The following ARL6 variants were observed in gnomAD, a reference collection of about 807,000 sequenced individuals.
The protein encoded by ARL6 is ADP-ribosylation factor-like protein 6.
A neutral mutation model predicts 27.1 loss-of-function variants in ARL6; 18 were observed. The observed-to-expected ratio is 0.66, with a 90% CI of 0.46 to 0.98. ARL6 has a LOEUF of 0.98. Among genes scored for constraint, ARL6 ranks in the 50% least tolerant of loss-of-function variants. ARL6 has a pLI of 0.00. For synonymous variants in ARL6, 65 were observed against 72.3 expected (o/e 0.90, Z 0.51); for missense variants, 187 against 214.9 (o/e 0.87, Z 0.81).
Position 97,800,722 on chromosome 3 carries a change from A to G in ARL6, c.*2673A>G, listed in dbSNP as rs976770021. ...TTTCAGGTTGCTATAACAAAGTACC[A>G]TAGACTGGGTGGCTTATAAACGACA... On this transcript the variant is annotated 3_prime_UTR_variant, in exon 8 of 8. Coordinates refer to ENST00000463745, the MANE Select transcript of ARL6 (RefSeq NM_001278293.3). 2 of 152,190 alleles carry G rather than the reference A, an allele frequency of 1.3e-5. No individual in the cohort carries two copies. The highest frequency in any genetic ancestry group is 4.8e-5 in the African/African-American group (2 of 41,446). The allele number at this position is 152,190 out of a possible 1,614,324, so 9.4% of individuals were successfully genotyped here. A position where few individuals can be genotyped will look rare whatever the true frequency, so the allele number is the denominator to read the frequency against.
At chr3:97,772,296 A>T (rs898990675) in intron 2 of ARL6, among the ~76,000 whole-genome samples, 2 of 152,032 alleles carry the variant, frequency 1.3e-5, no homozygotes, top group Admixed American at 6.6e-5. Flanking sequence ...TATGTTATCC[A>T]ATTTGTTGGC....
At chr3:97,783,248 TATATAAC>T (rs929880579) in intron 4 of ARL6, among the ~76,000 whole-genome samples, 1 of 151,748 alleles carries the variant, frequency 6.6e-6, no homozygotes, top group Non-Finnish European at 1.5e-5. Context: ...CCTTTTGAAA[TATATAAC>T]ATATACTTTA....
At chr3:97,766,219 A>T (rs1025564749) in intron 1 of ARL6, 1 of 152,244 alleles carries the variant, frequency 6.6e-6, no homozygotes, top group Non-Finnish European at 1.5e-5. Context: ...GAAATGGAGA[A>T]CAAGATATAA....
intron 2 of ARL6, among the ~76,000 whole-genome samples, chr3:97,771,029 T>C (rs1055676574): frequency 6.6e-6 from 1 of 152,118 alleles, no homozygotes; most frequent in Admixed American, 6.5e-5. Context: ...ATATAAATTT[T>C]AGGATTCTTT....
intron 2 of ARL6, 72 bp downstream of exon 2, chr3:97,768,302 A>G (rs535303360): frequency 2.6e-6 from 4 of 1,522,640 alleles, no homozygotes; most frequent in South Asian, 2.3e-5. Context: ...ATTATGTTAT[A>G]TGACGTTAAA....
intron 7 of ARL6, among the ~76,000 whole-genome samples, chr3:97,796,367 T>C (rs1435528381): frequency 6.6e-6 from 1 of 151,786 alleles, no homozygotes; most frequent in Non-Finnish European, 1.5e-5. Context: ...AATAAGAATA[T>C]AGTAGTTGAA....
intron 7 of ARL6, among the ~76,000 whole-genome samples, chr3:97,797,358 A>T (rs1349637688): frequency 6.6e-6 from 1 of 152,060 alleles, no homozygotes; most frequent in Non-Finnish European, 1.5e-5. Context: ...TAACTCTAGG[A>T]GGGATAAAAT....
chr3:97,774,321 G>A (rs1174573392), intron 2 of ARL6, among the ~76,000 whole-genome samples: 8 of 152,118 alleles, frequency 5.3e-5, no homozygotes, highest in Non-Finnish European at 1.0e-4. Flanking sequence ...GTTATTCCGG[G>A]ATTTTAGTTT....
At chr3:97,770,875 CTG>C (rs567727928) in intron 2 of ARL6, among the ~76,000 whole-genome samples, 1 of 151,706 alleles carries the variant, frequency 6.6e-6, no homozygotes. Flanking sequence ...TTCTGTTGGT[CTG>C]TGTGTGTGTG....
intron 2 of ARL6, among the ~76,000 whole-genome samples, chr3:97,775,586 C>T (rs111328653): frequency 0.039 from 5,869 of 152,222 alleles, 208 homozygotes; most frequent in African/African-American, 0.095. Flanking sequence ...AGCACCCTCA[C>T]AGACACACCC....
At chr3:97,778,125 C>A (rs910260352) in intron 2 of ARL6, among the ~76,000 whole-genome samples, 29 of 151,956 alleles carry the variant, frequency 1.9e-4, no homozygotes, top group African/African-American at 7.0e-4. Flanking sequence ...CAATGATTGG[C>A]ACATTTAAAG....
At chr3:97,770,826 A>T (rs532543635) in intron 2 of ARL6, among the ~76,000 whole-genome samples, 1 of 152,064 alleles carries the variant, frequency 6.6e-6, no homozygotes, top group East Asian at 1.9e-4. Flanking sequence ...AATGAGTTGG[A>T]TGTAAATACA....
At chr3:97,785,892 T>G (rs1669817922) in intron 5 of ARL6, among the ~76,000 whole-genome samples, 1 of 152,186 alleles carries the variant, frequency 6.6e-6, no homozygotes, top group Non-Finnish European at 1.5e-5. Context: ...GAACTGTGGA[T>G]TTGTTAGAAA....
At chr3:97,780,912 C>T (rs377393710) in intron 4 of ARL6, among the ~76,000 whole-genome samples, 3 of 152,182 alleles carry the variant, frequency 2.0e-5, no homozygotes, top group Middle Eastern at 3.4e-3. Context: ...TTTTAATGCC[C>T]CATTCTATCC....
chr3:97,780,700 A>G lies in ARL6; in HGVS notation c.254+17A>G. 6.3e-7 allele frequency: 1 copy of G among 1,581,638 alleles called. No individual in the cohort carries two copies. Among genetic ancestry groups the G allele is most frequent in the South Asian group, 1.1e-5 (1 of 90,348 alleles). ...CTATTATAAGTAAGTACATCTGTGA[A>G]TGTTGCTTAACTAGATGGTTTTTAC... On this transcript the variant is annotated intron_variant, in intron 4 of 7. Coordinates refer to ENST00000463745, the MANE Select transcript of ARL6 (RefSeq NM_001278293.3).
At chr3:97,785,250 T>A (rs2037395350) in intron 5 of ARL6, among the ~76,000 whole-genome samples, 1 of 151,672 alleles carries the variant, frequency 6.6e-6, no homozygotes, top group East Asian at 1.9e-4. Context: ...ATGTAAAGCA[T>A]TTTGCATTGT....
rs554109839 is a variant in ARL6 at position 97,780,524 on chromosome 3, G to C, written c.186-91G>C. On this transcript the variant is annotated intron_variant, in intron 3 of 7. Transcript: ENST00000463745. Reference sequence around the variant, plus strand: ...GCACATGTTGAATATTGCATATGAAGGGTAATTTCTTTGATTGTAAATAAT... The same window carrying C: ...GCACATGTTGAATATTGCATATGAACGGTAATTTCTTTGATTGTAAATAAT... The C allele has an allele frequency of 2.9e-6, 3 of 1,028,436 alleles. No individual in the cohort carries two copies. The East Asian group carries it at 7.7e-5, about 26-fold the overall frequency. 63.7% of individuals were successfully genotyped at this position (1,028,436 alleles called of 1,614,324 possible). A position where few individuals can be genotyped will look rare whatever the true frequency, so the allele number is the denominator to read the frequency against.
At chr3:97,796,324 AAAG>A (rs1219359572) in intron 7 of ARL6, among the ~76,000 whole-genome samples, 2 of 152,044 alleles carry the variant, frequency 1.3e-5, no homozygotes, top group Admixed American at 1.3e-4. Context: ...AACTACTTGA[AAAG>A]AAAGAACGAA....
intron 7 of ARL6, among the ~76,000 whole-genome samples, chr3:97,795,881 T>A (rs1396207791): frequency 6.6e-6 from 1 of 152,202 alleles, no homozygotes. Context: ...AAAAAAGTTT[T>A]CATGCTGAAT....
Sources: allele counts gnomAD v4.1 joint callset (sites outside exome capture counted in the v4.1 genomes callset), GRCh38; gene constraint gnomAD v4.1.1; transcripts MANE v1.5; gene names NCBI Gene and HGNC (gene_info 2026-07-23, HGNC 2026-07-21).